DNAAF1: variants seen among roughly 807,000 people sequenced by gnomAD.
DNAAF1 encodes dynein assembly factor 1, axonemal.
In DNAAF1, 65 loss-of-function variants were observed where a neutral mutation model predicts 71.1. The ratio of observed to expected loss-of-function variants is 0.91; its 90% CI spans 0.75 to 1.12. The LOEUF (loss-of-function observed/expected upper bound fraction) is 1.12, where lower values mean the gene tolerates loss of function less well. Ranked by LOEUF, DNAAF1 falls within the 50% of genes most tolerant of loss-of-function variation. The probability of loss-of-function intolerance (pLI) is 0.00; values close to 1 mark genes in which losing one functional copy is unlikely to be tolerated. For missense variants in DNAAF1, 1,178 were observed against 899.8 expected (o/e 1.31, Z -3.96); for synonymous variants, 414 against 354.6 (o/e 1.17, Z -1.88).
Position 84,149,032 on chromosome 16 carries a change from T to C in DNAAF1, c.150T>C (p.Cys50=). The C allele has an allele frequency of 1.9e-6, 3 of 1,614,132 alleles. No individual in the cohort carries two copies. The highest frequency in any genetic ancestry group is 2.5e-6 in the Non-Finnish European group (3 of 1,180,022). The change falls in exon 2 of 12, where the codon TGT becomes TGC. Residue 50 remains cysteine, a synonymous_variant. Coordinates refer to ENST00000378553, the MANE Select transcript of DNAAF1 (RefSeq NM_178452.6). ...AAATTAATGATCCTAAGGAAATATG[T>C]GTGGGTTCTTCTGACACATCCTACC... ...KEEINDPKEI[C]VGSSDTSYHS... is the part of the protein sequence containing the mutation.
intron 10 of DNAAF1, chr16:84,174,947 C>G (rs2088574520): frequency 1.9e-6 from 1 of 513,444 alleles, no homozygotes; most frequent in East Asian, 4.0e-5. Flanking sequence ...CCTCCACCTC[C>G]TGGGTTCAAG....
In DNAAF1 at chr16:84,148,596, C is replaced by CTCTTTTTTTTTTTTTTTTTTTTTTTTTT; in HGVS notation, c.125-410_125-409insCTTTTTTTTTTTTTTTTTTTTTTTTTTT. Among the ~76,000 whole-genome samples, 28 of 43,580 alleles carry CTCTTTTTTTTTTTTTTTTTTTTTTTTTT rather than the reference C, an allele frequency of 6.4e-4. 1 individual carries two copies. Among genetic ancestry groups the CTCTTTTTTTTTTTTTTTTTTTTTTTTTT allele is most frequent in the African/African-American group, 9.2e-4 (10 of 10,862 alleles). The allele number at this position is 43,580 out of a possible 152,430, so 28.6% of individuals were successfully genotyped here. ...AAAGATTACTGTTCTCTCTCTCTCT[C>CTCTTTTTTTTTTTTTTTTTTTTTTTTTT]TTTTTTTTTTTTTTTTTTGGTGAGA... On this transcript the variant is annotated intron_variant, in intron 1 of 11. Transcript: ENST00000378553.
At chr16:84,155,559 A>C in intron 4 of DNAAF1, 24 bp from the exon 5 acceptor site, 1 of 1,613,610 alleles carries the variant, frequency 6.2e-7, no homozygotes, top group Non-Finnish European at 8.5e-7. Flanking sequence ...TTTGTTTTTG[A>C]CTTCTGCTGA....
At chr16:84,152,041 G>C (rs574127060) in intron 3 of DNAAF1, among the ~76,000 whole-genome samples, 8 of 152,364 alleles carry the variant, frequency 5.3e-5, no homozygotes, top group African/African-American at 1.9e-4. Flanking sequence ...TGAGGAGGAA[G>C]CTGGGAAAGG....
chr16:84,170,318 A>T lies in DNAAF1; in HGVS notation c.1490A>T (p.Glu497Val). Residue 497 changes from glutamate to valine, a missense_variant, in exon 8 of 12, where the codon GAG (glutamate) becomes GTG (valine). By Grantham distance (121) the Glu-to-Val change is moderately radical. Coordinates refer to ENST00000378553, the MANE Select transcript of DNAAF1 (RefSeq NM_178452.6). ...DREPEGTLPA[E>V]APPPPPLGAA... is the part of the protein sequence containing the mutation. ...GAGCCAGAGGGGACCCTCCCAGCTG[A>T]GGCCCCACCACCACCGCCCCTGGGA... The T allele has an allele frequency of 6.2e-7, 1 of 1,611,810 alleles. No homozygotes were observed. The highest frequency in any genetic ancestry group is 8.5e-7 in the Non-Finnish European group (1 of 1,179,060).
chr16:84,163,854 A>C (rs1442128071), intron 6 of DNAAF1, among the ~76,000 whole-genome samples: 2 of 150,766 alleles, frequency 1.3e-5, no homozygotes, highest in African/African-American at 4.9e-5. Context: ...TAAAAAATTA[A>C]TAGACTTTTT....
At chr16:84,172,126 C>T (rs1240936244) in intron 8 of DNAAF1, 134 bp from the exon 9 acceptor site, 1 of 811,072 alleles carries the variant, frequency 1.2e-6, no homozygotes, top group African/African-American at 1.7e-5. Context: ...ATCCGCCCAC[C>T]TTGGCCCCCC....
At chr16:84,158,562 C>G (rs144661237) in intron 5 of DNAAF1, among the ~76,000 whole-genome samples, 1 of 152,154 alleles carries the variant, frequency 6.6e-6, no homozygotes, top group African/African-American at 2.4e-5. Flanking sequence ...CAGCCCAGAA[C>G]GAAAGCAGGT....
chr16:84,151,328 G>A lies in DNAAF1; in HGVS notation c.352+986G>A, dbSNP rs149423404. On this transcript the variant is annotated intron_variant, in intron 3 of 11. Transcript: ENST00000378553. ...GCAGCTATTATGAGGACGGTGCCAC[G>A]CCAGGGAGACGCCCAAAGGGATCCA... is the stretch of plus-strand genomic sequence containing the variant. Among the ~76,000 whole-genome samples the A allele has an allele frequency of 5.8e-3, 885 of 152,208 alleles. 2 individuals are homozygous for A. Among genetic ancestry groups the A allele is most frequent in the Middle Eastern group, 0.01 (3 of 294 alleles).
rs764480347 is a variant in DNAAF1 at position 84,170,071 on chromosome 16, A to T, written c.1243A>T (p.Thr415Ser). 1.2e-6 allele frequency: 2 copies of T among 1,613,396 alleles called. No individual in the cohort carries two copies. The highest frequency in any genetic ancestry group is 1.7e-6 in the Non-Finnish European group (2 of 1,179,914). The change falls in exon 8 of 12, where the codon ACC (threonine) becomes TCC (serine). Residue 415 changes from threonine to serine, a missense_variant. Thr to Ser is a moderately conservative substitution (Grantham distance 58, BLOSUM62 1). Coordinates refer to ENST00000378553, the MANE Select transcript of DNAAF1 (RefSeq NM_178452.6). ...REDGGPEPEG[T>S]LPAETLLLSS... Reference sequence around the variant, plus strand: ...GGATGGAGGTCCAGAGCCAGAGGGGACCCTCCCAGCTGAGACCCTGCTACT... The same window carrying T: ...GGATGGAGGTCCAGAGCCAGAGGGGTCCCTCCCAGCTGAGACCCTGCTACT...
In DNAAF1 at chr16:84,166,056, TTTTTTTTTA is replaced by T; in HGVS notation, c.1030+108_1030+116del. The T allele has an allele frequency of 6.0e-6, 5 of 835,176 alleles. No individual in the cohort carries two copies. The East Asian group carries it at 1.1e-4, about 18-fold the overall frequency. 51.7% of individuals were successfully genotyped at this position (835,176 alleles called of 1,614,324 possible). ...TTGGGAATTTTTTTTTTTTTTTTTT[TTTTTTTTTA>T]GACAGAGTCTTGCTCTGTCACTGAG... is the stretch of plus-strand genomic sequence containing the variant. On this transcript the variant is annotated intron_variant, in intron 7 of 11. Transcript: ENST00000378553.
intron 9 of DNAAF1, chr16:84,174,092 G>T: frequency 2.9e-6 from 2 of 687,050 alleles, no homozygotes; most frequent in Non-Finnish European, 3.6e-6. Context: ...AGAGAGGTTA[G>T]GCAACTTGCC....
chr16:84,151,360 C>G lies in DNAAF1; in HGVS notation c.352+1018C>G, dbSNP rs981633567. ...AGACGCCCAAAGGGATCCAGGAGCA[C>G]AAATGCCTTAAGGGGTTGGAACGAC... On this transcript the variant is annotated intron_variant, in intron 3 of 11. Transcript: ENST00000378553. 6.6e-5 allele frequency among the ~76,000 whole-genome samples: 10 copies of G among 152,212 alleles called. No individual in the cohort carries two copies. The East Asian group carries it at 1.7e-3, about 26-fold the overall frequency.
chr16:84,164,837 G>A (rs189601595), intron 6 of DNAAF1, among the ~76,000 whole-genome samples: 9 of 152,158 alleles, frequency 5.9e-5, no homozygotes, highest in South Asian at 2.1e-4. Flanking sequence ...GTAAGAATCC[G>A]CCACACCATT....
At chr16:84,166,626 G>A (rs1363535297) in intron 7 of DNAAF1, among the ~76,000 whole-genome samples, 1 of 152,064 alleles carries the variant, frequency 6.6e-6, no homozygotes, top group Non-Finnish European at 1.5e-5. Flanking sequence ...ACCCACCTTG[G>A]CTTCCCAAAG....
rs1396142796 is a variant in DNAAF1 at position 84,170,007 on chromosome 16, G to C, written c.1179G>C (p.Lys393Asn). ...FEAKDELCPE[K>N]PSGEEPPVEA... ...CCAAGGACGAGCTCTGCCCGGAAAAGCCAAGTGGAGAGGAGCCGCCTGTGG... is the reference window on the plus strand; with the variant it reads ...CCAAGGACGAGCTCTGCCCGGAAAACCCAAGTGGAGAGGAGCCGCCTGTGG... The change falls in exon 8 of 12, where the codon AAG becomes AAC. Residue 393 changes from lysine to asparagine, a missense_variant. Transcript: ENST00000378553. 1.2e-6 allele frequency: 2 copies of C among 1,613,860 alleles called. No individual in the cohort carries two copies. Among genetic ancestry groups the C allele is most frequent in the African/African-American group, 1.3e-5 (1 of 75,068 alleles).
chr16:84,177,859 T>A lies in DNAAF1; in HGVS notation c.*18T>A. 6.3e-7 allele frequency: 1 copy of A among 1,587,206 alleles called. No homozygotes were observed. Among genetic ancestry groups the A allele is most frequent in the Non-Finnish European group, 8.7e-7 (1 of 1,155,636 alleles). On this transcript the variant is annotated 3_prime_UTR_variant, in exon 12 of 12. Transcript: ENST00000378553. The stretch of plus-strand genomic sequence containing the variant: ...CATCATAGTTTTCCCCAGTTATATG[T>A]AGCATAAATGGTTTAATCATAAATG...
intron 7 of DNAAF1, among the ~76,000 whole-genome samples, chr16:84,166,288 A>G (rs1393659619): frequency 1.3e-5 from 2 of 151,392 alleles, no homozygotes; most frequent in Non-Finnish European, 2.9e-5. Context: ...CCTGGCTTCA[A>G]GTGATCTGCC....
In DNAAF1 at chr16:84,177,876, T is replaced by C; in HGVS notation, c.*35T>C. 1 of 1,546,250 alleles carries C rather than the reference T, an allele frequency of 6.5e-7. No individual in the cohort carries two copies. Among genetic ancestry groups the C allele is most frequent in the Middle Eastern group, 1.7e-4 (1 of 5,920 alleles). On this transcript the variant is annotated 3_prime_UTR_variant, in exon 12 of 12. Coordinates refer to ENST00000378553, the MANE Select transcript of DNAAF1 (RefSeq NM_178452.6). Reference sequence around the variant, plus strand: ...GTTATATGTAGCATAAATGGTTTAATCATAAATGTCTCCCTTAGGCATGAT... The same window carrying C: ...GTTATATGTAGCATAAATGGTTTAACCATAAATGTCTCCCTTAGGCATGAT...
Sources: gnomAD v4.1 joint callset for allele counts (sites outside exome capture counted in the v4.1 genomes callset) on GRCh38, gnomAD v4.1.1 for gene constraint, MANE v1.5 for transcripts, NCBI Gene and HGNC (gene_info 2026-07-23, HGNC 2026-07-21) for gene names.